Variants in CYTH3 observed in about 807,000 individuals in gnomAD.
CYTH3 encodes the protein cytohesin-3.
Under a neutral mutation model 55.1 loss-of-function variants are expected in CYTH3, and 23 were observed. That is an observed-to-expected ratio of 0.42 (90% confidence interval 0.30 to 0.59). The LOEUF is 0.59. CYTH3 is among the 20% of genes least tolerant of loss of function. The pLI is 0.20. For synonymous variants in CYTH3, 249 were observed against 194.9 expected, an observed-to-expected ratio of 1.28 and a Z score of -2.31; for missense variants, 413 against 524.8, an observed-to-expected ratio of 0.79 and a Z score of 2.08.
intron 1 of CYTH3, among the ~76,000 whole-genome samples, chr7:6,199,251 T>C (rs1198592532): frequency 1.3e-5 from 2 of 152,218 alleles, no homozygotes; most frequent in African/African-American, 2.4e-5. Context: ...GTCTATATTT[T>C]AGGTTCAGGT....
At chr7:6,204,616 C>T (rs540849279) in intron 1 of CYTH3, among the ~76,000 whole-genome samples, 39 of 152,312 alleles carry the variant, frequency 2.6e-4, no homozygotes, top group African/African-American at 9.4e-4. Context: ...CCCATCACGG[C>T]TGAGGATATG....
intron 2 of CYTH3, among the ~76,000 whole-genome samples, chr7:6,188,454 CCTT>C (rs1033627560): frequency 1.4e-4 from 21 of 152,150 alleles, no homozygotes; most frequent in African/African-American, 4.3e-4. Context: ...CCTGCCTCCT[CCTT>C]CAACACTGCC....
chr7:6,269,923 A>G (rs1340141949), intron 1 of CYTH3, among the ~76,000 whole-genome samples: 1 of 152,254 alleles, frequency 6.6e-6, no homozygotes, highest in Admixed American at 6.5e-5. Context: ...TACTGTTTGA[A>G]TAGATTATTT....
In CYTH3 at chr7:6,186,555, TCA is replaced by T. The variant is rs1008168747; in HGVS notation, c.249+493_249+494del. On this transcript the variant is annotated intron_variant, in intron 4 of 12. Coordinates refer to ENST00000350796, the MANE Select transcript of CYTH3 (RefSeq NM_004227.4). ...TAAATGTGGAGGATCCCTTGTTTTT[TCA>T]CAGACACCTGCTTTTTAAGGTGAAT... is the stretch of plus-strand genomic sequence containing the variant. 2.0e-5 allele frequency among the ~76,000 whole-genome samples: 3 copies of T among 152,182 alleles called. No individual in the cohort carries two copies. The South Asian group carries it at 6.2e-4, about 31-fold the overall frequency.
intron 1 of CYTH3, among the ~76,000 whole-genome samples, chr7:6,244,977 T>A (rs913366279): frequency 1.2e-3 from 150 of 125,782 alleles, no homozygotes; most frequent in African/African-American, 3.9e-3. Flanking sequence ...TTTTTTTTTT[T>A]TTTTTTTTTT....
At chr7:6,265,283 C>T (rs1053916315) in intron 1 of CYTH3, among the ~76,000 whole-genome samples, 1 of 151,596 alleles carries the variant, frequency 6.6e-6, no homozygotes, top group African/African-American at 2.4e-5. Context: ...ATGTGGCCCA[C>T]AAAGCCTATG....
At chr7:6,237,135 G>A (rs867782043) in intron 1 of CYTH3, among the ~76,000 whole-genome samples, 1 of 152,020 alleles carries the variant, frequency 6.6e-6, no homozygotes, top group African/African-American at 2.4e-5. Flanking sequence ...TCCCGCCTCG[G>A]CAGGCGTTGC....
intron 4 of CYTH3, among the ~76,000 whole-genome samples, chr7:6,182,139 C>G (rs1783519466): frequency 6.6e-6 from 1 of 152,170 alleles, no homozygotes; most frequent in African/African-American, 2.4e-5. Context: ...CCTCCACCTC[C>G]TGGGTTCAAG....
chr7:6,264,787 G>C (rs1662379565), intron 1 of CYTH3, among the ~76,000 whole-genome samples: 1 of 152,212 alleles, frequency 6.6e-6, no homozygotes, highest in African/African-American at 2.4e-5. Context: ...TATGTACCAA[G>C]CACTGTTCTA....
intron 1 of CYTH3, among the ~76,000 whole-genome samples, chr7:6,229,648 G>GA (rs35933979): frequency 0.22 from 23,863 of 108,486 alleles, 2,919 homozygotes; most frequent in East Asian, 0.36. Context: ...CGTCTCTACT[G>GA]AAAAAAAAAA....
At chr7:6,188,628 G>T (rs1342763715) in intron 2 of CYTH3, 3 of 152,246 alleles carry the variant, frequency 2.0e-5, no homozygotes, top group Non-Finnish European at 1.5e-5. Context: ...ACTGACTCAG[G>T]GCACTCAGAG....
chr7:6,245,172 T>C (rs1396252587), intron 1 of CYTH3, among the ~76,000 whole-genome samples: 1 of 151,696 alleles, frequency 6.6e-6, no homozygotes, highest in Non-Finnish European at 1.5e-5. Flanking sequence ...GAGATTAGAA[T>C]AGGTAACCAA....
intron 1 of CYTH3, among the ~76,000 whole-genome samples, chr7:6,240,856 C>G (rs1256219676): frequency 7.2e-5 from 11 of 152,064 alleles, no homozygotes; most frequent in African/African-American, 2.4e-4. Flanking sequence ...TAGCTCGCGC[C>G]TGTAATCCCA....
intron 1 of CYTH3, among the ~76,000 whole-genome samples, chr7:6,266,579 C>T (rs1562421978): frequency 1.3e-5 from 2 of 152,138 alleles, no homozygotes; most frequent in African/African-American, 4.8e-5. Context: ...CTGTTCAAGC[C>T]ACACAAAGCT....
At chr7:6,197,373 C>T (rs774872182) in intron 1 of CYTH3, among the ~76,000 whole-genome samples, 4 of 152,028 alleles carry the variant, frequency 2.6e-5, no homozygotes, top group South Asian at 4.1e-4. Flanking sequence ...GTCTATACTT[C>T]GAAATACTTT....
At chr7:6,260,522 C>T (rs1780327037) in intron 1 of CYTH3, among the ~76,000 whole-genome samples, 1 of 152,080 alleles carries the variant, frequency 6.6e-6, no homozygotes, top group Non-Finnish European at 1.5e-5. Context: ...AGCAAAGACA[C>T]ACCTTCCCCC....
chr7:6,211,314 T>C (rs370724090), intron 1 of CYTH3, among the ~76,000 whole-genome samples: 3 of 152,238 alleles, frequency 2.0e-5, no homozygotes, highest in Non-Finnish European at 2.9e-5. Flanking sequence ...ATTTCTTTCA[T>C]AGCACTTTTT....
intron 4 of CYTH3, among the ~76,000 whole-genome samples, chr7:6,179,830 ACAC>A (rs1783454906): frequency 8.4e-6 from 1 of 119,182 alleles, no homozygotes; most frequent in African/African-American, 3.4e-5. Flanking sequence ...CCACACACGC[ACAC>A]CACATACACC....
chr7:6,241,183 A>C (rs2128555432), intron 1 of CYTH3, among the ~76,000 whole-genome samples: 1 of 152,324 alleles, frequency 6.6e-6, no homozygotes, highest in East Asian at 1.9e-4. Flanking sequence ...CACGACAAAA[A>C]CAAAACCAAA....
Sources: allele counts gnomAD v4.1 joint callset (sites outside exome capture counted in the v4.1 genomes callset), GRCh38; gene constraint gnomAD v4.1.1; transcripts MANE v1.5; gene names NCBI Gene and HGNC (gene_info 2026-07-23, HGNC 2026-07-21).